The following PWWP3A variants were observed in gnomAD, a reference collection of about 807,000 sequenced individuals.
PWWP3A encodes the protein PWWP domain-containing DNA repair factor 3A.
A neutral mutation model predicts 79.0 loss-of-function variants in PWWP3A; 53 were observed. The observed-to-expected ratio is 0.67, with a 90% CI of 0.54 to 0.84. The LOEUF (loss-of-function observed/expected upper bound fraction) is 0.84, where lower values mean the gene tolerates loss of function less well. Among genes scored for constraint, PWWP3A ranks in the 40% least tolerant of loss-of-function variants. PWWP3A has a pLI of 0.00. For synonymous variants in PWWP3A, 443 were observed against 394.4 expected (o/e 1.12, Z -1.46); for missense variants, 973 against 948.0 (o/e 1.03, Z -0.35).
In PWWP3A at chr19:1,370,999, A is replaced by C; in HGVS notation, c.1907A>C (p.Tyr636Ser). The C allele has an allele frequency of 6.4e-7, 1 of 1,570,122 alleles. No individual in the cohort carries two copies. The highest frequency in any genetic ancestry group is 8.6e-7 in the Non-Finnish European group (1 of 1,157,358). Reference sequence around the variant, plus strand: ...GTGGTGAAGTACCTGCAGGGCGTCTACCAGGAGGTGGGGGCCAAGGTGCTC... The same window carrying C: ...GTGGTGAAGTACCTGCAGGGCGTCTCCCAGGAGGTGGGGGCCAAGGTGCTC... ...DLVVKYLQGV[Y>S]QEVGAKVLQR... The change falls in exon 12 of 14, where the codon TAC becomes TCC. Residue 636 changes from tyrosine to serine, a missense_variant. Tyr to Ser is a moderately radical substitution (Grantham distance 144). Transcript: ENST00000591337.
chr19:1,358,272 G>A, intron 3 of PWWP3A, 122 bp from the exon 4 acceptor site: 1 of 914,530 alleles, frequency 1.1e-6, no homozygotes, highest in Non-Finnish European at 1.7e-6. Context: ...GTGACTTTTG[G>A]TTTAAGTGGA....
At position 1,376,312 on chromosome 19, in the gene PWWP3A, T is replaced by TG. The variant is rs1195912879; in HGVS notation, c.2076-207_2076-206insG. On this transcript the variant is annotated intron_variant, in intron 13 of 13. Coordinates refer to ENST00000591337, the MANE Select transcript of PWWP3A (RefSeq NM_001369789.1). ...GGCTGTTTGTTTTTTTTTTTGTTTG[T>TG]TTTTTTTTTTTTTTGGTATTTTTTG... is the stretch of plus-strand genomic sequence containing the variant. Among the ~76,000 whole-genome samples, 76 of 79,668 alleles carry TG rather than the reference T, an allele frequency of 9.5e-4. 1 individual carries two copies. In the East Asian group the frequency reaches 0.012, roughly 12 times the overall value. The allele number at this position is 79,668 out of a possible 152,430, so 52.3% of individuals were successfully genotyped here.
chr19:1,355,940 G>C (rs1225468880), intron 1 of PWWP3A, among the ~76,000 whole-genome samples: 1 of 152,104 alleles, frequency 6.6e-6, no homozygotes. Flanking sequence ...TTGTGTGTGT[G>C]CTGTGGTCAA....
At chr19:1,358,547 G>A (rs1308891750) in intron 4 of PWWP3A, 83 bp downstream of exon 4, 1 of 1,603,980 alleles carries the variant, frequency 6.2e-7, no homozygotes, top group Admixed American at 1.7e-5. Context: ...AGCTTTCTGG[G>A]TAAAAATTCA....
At chr19:1,367,020 A>C in intron 8 of PWWP3A, 140 bp from the exon 9 acceptor site, 1 of 650,940 alleles carries the variant, frequency 1.5e-6, no homozygotes, top group South Asian at 2.0e-5. Flanking sequence ...GCAGCTGGGG[A>C]AACGGTCACC....
At chr19:1,358,199 A>C (rs984127725) in intron 3 of PWWP3A, 195 bp from the exon 4 acceptor site, 14 of 501,286 alleles carry the variant, frequency 2.8e-5, no homozygotes, top group Non-Finnish European at 3.8e-5. Flanking sequence ...GAAAAAAAAA[A>C]AAAAACCATT....
At chr19:1,367,015 T>TG in intron 8 of PWWP3A, 145 bp from the exon 9 acceptor site, 1 of 638,574 alleles carries the variant, frequency 1.6e-6, no homozygotes, top group South Asian at 2.0e-5. Flanking sequence ...TCTTGGCAGC[T>TG]GGGGAAACGG....
Position 1,369,880 on chromosome 19 carries a change from A to G in PWWP3A, c.1549+234A>G, listed in dbSNP as rs555083622. ...GAGCCTGCCCTGGGGCCCTCATCCC[A>G]TGGGCCACATCCAGCGTGTCCCTGC... On this transcript the variant is annotated intron_variant, in intron 11 of 13. Coordinates refer to ENST00000591337, the MANE Select transcript of PWWP3A (RefSeq NM_001369789.1). This position sits in a 1 kb window ranked among gnomAD's most constrained non-coding sequence, Gnocchi z 4.0. 6.6e-6 allele frequency among the ~76,000 whole-genome samples: 1 copy of G among 152,226 alleles called. No homozygotes were observed. The highest frequency in any genetic ancestry group is 1.9e-4 in the East Asian group (1 of 5,172).
chr19:1,362,271 C>T lies in PWWP3A; in HGVS notation c.1133C>T (p.Ser378Phe). Residue 378 changes from serine to phenylalanine, a missense_variant, in exon 6 of 14, where the codon TCC becomes TTC. Transcript: ENST00000591337. Reference protein sequence around the residue: ...LEKECQSSEESMGSNSMRSIL... With the variant: ...LEKECQSSEEFMGSNSMRSIL... ...GCAGAGTGCCAGTCTTCCGAAGAGTCCATGGGGTCTAATTCCATGCGTTCT... is the reference window on the plus strand; with the variant it reads ...GCAGAGTGCCAGTCTTCCGAAGAGTTCATGGGGTCTAATTCCATGCGTTCT... The T allele has an allele frequency of 6.2e-7, 1 of 1,613,914 alleles. No individual in the cohort carries two copies. Among genetic ancestry groups the T allele is most frequent in the African/African-American group, 1.3e-5 (1 of 75,018 alleles).
At chr19:1,364,626 C>A in intron 7 of PWWP3A, 47 bp downstream of exon 7, 1 of 1,349,280 alleles carries the variant, frequency 7.4e-7, no homozygotes, top group Non-Finnish European at 1.0e-6. Flanking sequence ...ACTTAAATTT[C>A]ATGAATTTTT....
chr19:1,361,098 G>A (rs2082005600), intron 5 of PWWP3A, 66 bp downstream of exon 5: 2 of 1,346,296 alleles, frequency 1.5e-6, no homozygotes, highest in African/African-American at 1.5e-5. Context: ...AGCCAGACTG[G>A]GAGCCAGGCA....
At chr19:1,372,977 T>C (rs1425359662) in intron 12 of PWWP3A, 95 bp from the exon 13 acceptor site, 3 of 1,002,900 alleles carry the variant, frequency 3.0e-6, no homozygotes, top group Non-Finnish European at 4.6e-6. Flanking sequence ...GGCTGGAACC[T>C]GGTGACCCAG....
At chr19:1,375,430 T>C (rs2082345021) in intron 13 of PWWP3A, among the ~76,000 whole-genome samples, 1 of 56,850 alleles carries the variant, frequency 1.8e-5, no homozygotes, top group Non-Finnish European at 3.7e-5. Flanking sequence ...ATATAAAATA[T>C]ATATAGCCAT....
Position 1,360,319 on chromosome 19 carries a change from C to G in PWWP3A, c.398C>G (p.Ser133Trp), listed in dbSNP as rs35058427. The change falls in exon 5 of 14, where the codon TCG becomes TGG. Residue 133 changes from serine to tryptophan, a missense_variant. Transcript: ENST00000591337. The surrounding 1 kb of genome is among the most constrained non-coding windows in gnomAD (Gnocchi z 4.4). ...GAGCATGTCTCCTCGCCCTGTGATTCGAACTCCTCATCTCTTCCCCGCGGA... is the reference window on the plus strand; with the variant it reads ...GAGCATGTCTCCTCGCCCTGTGATTGGAACTCCTCATCTCTTCCCCGCGGA... ...PMEHVSSPCD[S>W]NSSSLPRGDV... 5 of 1,613,652 alleles carry G rather than the reference C, an allele frequency of 3.1e-6. No individual in the cohort carries two copies. Among genetic ancestry groups the G allele is most frequent in the African/African-American group, 1.3e-5 (1 of 74,922 alleles).
At chr19:1,372,837 G>T in intron 12 of PWWP3A, 1 of 459,410 alleles carries the variant, frequency 2.2e-6, no homozygotes, top group Non-Finnish European at 3.8e-6. Context: ...TTTCTTCTCT[G>T]CTTTTAGTGA....
chr19:1,357,178 A>C, intron 3 of PWWP3A, 84 bp downstream of exon 3: 1 of 1,002,876 alleles, frequency 1.0e-6, no homozygotes, highest in Non-Finnish European at 1.5e-6. Context: ...AAACAGTTGA[A>C]GCCCAGCCCA....
At chr19:1,363,501 A>G (rs1381107679) in intron 6 of PWWP3A, among the ~76,000 whole-genome samples, 1 of 152,204 alleles carries the variant, frequency 6.6e-6, no homozygotes, top group Non-Finnish European at 1.5e-5. Flanking sequence ...CGAAGAGCAC[A>G]GTGCCCTCGG....
At chr19:1,358,526 T>C (rs572914776) in intron 4 of PWWP3A, 62 bp downstream of exon 4, 1 of 1,606,664 alleles carries the variant, frequency 6.2e-7, no homozygotes, top group African/African-American at 1.3e-5. Flanking sequence ...TTTGGGAGAA[T>C]GTGAAGGCTC....
chr19:1,369,799 T>C lies in PWWP3A; in HGVS notation c.1549+153T>C, dbSNP rs1301935443. Among the ~76,000 whole-genome samples, 4 of 152,230 alleles carry C rather than the reference T, an allele frequency of 2.6e-5. No individual in the cohort carries two copies. Among genetic ancestry groups the C allele is most frequent in the African/African-American group, 9.6e-5 (4 of 41,456 alleles). On this transcript the variant is annotated intron_variant, in intron 11 of 13. Coordinates refer to ENST00000591337, the MANE Select transcript of PWWP3A (RefSeq NM_001369789.1). The surrounding 1 kb of genome is among the most constrained non-coding windows in gnomAD (Gnocchi z 4.0). Reference sequence around the variant, plus strand: ...GTTCAACCTCTATGAGGTTTTGATGTGACCCTGAGGCTCCCTGGGACCTGG... The same window carrying C: ...GTTCAACCTCTATGAGGTTTTGATGCGACCCTGAGGCTCCCTGGGACCTGG...
Sources: gnomAD v4.1 joint callset for allele counts (sites outside exome capture counted in the v4.1 genomes callset) on GRCh38, gnomAD v4.1.1 for gene constraint, Gnocchi (gnomAD v3.1) non-coding constraint, MANE v1.5 for transcripts, NCBI Gene and HGNC (gene_info 2026-07-23, HGNC 2026-07-21) for gene names.